The following ADCY2 variants were observed in gnomAD, a reference collection of about 807,000 sequenced individuals.
ADCY2 encodes the protein adenylate cyclase type 2.
In ADCY2, 31 loss-of-function variants were observed where a neutral mutation model predicts 125.2. The observed-to-expected ratio is 0.25, with a 90% CI of 0.19 to 0.33. The LOEUF is 0.33. ADCY2 is among the 10% of genes least tolerant of loss of function. The pLI is 1.00. For synonymous variants in ADCY2, 512 were observed against 548.4 expected, an observed-to-expected ratio of 0.93 and a Z score of 0.93; for missense variants, 904 against 1,418.2, an observed-to-expected ratio of 0.64 and a Z score of 5.82.
chr5:7,729,039 C>T (rs1276049205), intron 14 of ADCY2, among the ~76,000 whole-genome samples: 1 of 152,184 alleles, frequency 6.6e-6, no homozygotes, highest in African/African-American at 2.4e-5. Context: ...AGCTTCATCA[C>T]CCATTATTTT....
intron 14 of ADCY2, among the ~76,000 whole-genome samples, chr5:7,738,685 A>G (rs1468002057): frequency 6.6e-6 from 1 of 152,024 alleles, no homozygotes; most frequent in Non-Finnish European, 1.5e-5. Context: ...AAGGATGGAA[A>G]ACGTATCTGA....
intron 22 of ADCY2, among the ~76,000 whole-genome samples, chr5:7,811,565 A>C (rs1216628266): frequency 6.6e-6 from 1 of 152,198 alleles, no homozygotes; most frequent in East Asian, 1.9e-4. Flanking sequence ...TTTTAAAACA[A>C]TTATTTTATC....
chr5:7,738,751 G>T (rs1742323769), intron 14 of ADCY2, among the ~76,000 whole-genome samples: 1 of 151,912 alleles, frequency 6.6e-6, no homozygotes, highest in African/African-American at 2.4e-5. Flanking sequence ...AGACAAAGTA[G>T]TTATGAAGGC....
chr5:7,648,765 C>T (rs1738987089), intron 4 of ADCY2, among the ~76,000 whole-genome samples: 2 of 152,074 alleles, frequency 1.3e-5, no homozygotes, highest in South Asian at 4.1e-4. Flanking sequence ...GCAAAAAAGG[C>T]ATTATTTTAA....
At chr5:7,678,492 T>C (rs1740207973) in intron 4 of ADCY2, among the ~76,000 whole-genome samples, 1 of 152,206 alleles carries the variant, frequency 6.6e-6, no homozygotes, top group Admixed American at 6.5e-5. Context: ...ATATCAATAA[T>C]GCATATTGTG....
intron 2 of ADCY2, among the ~76,000 whole-genome samples, chr5:7,443,639 CAAAAAAAAAAAAA>C (rs56089574): frequency 2.0e-5 from 1 of 51,220 alleles, no homozygotes; most frequent in Admixed American, 3.9e-4. Context: ...GACTCTGTCT[CAAAAAAAAAAAAA>C]AAAAAAAAAA....
At chr5:7,557,426 G>A (rs1735560704) in intron 3 of ADCY2, among the ~76,000 whole-genome samples, 1 of 151,920 alleles carries the variant, frequency 6.6e-6, no homozygotes, top group Non-Finnish European at 1.5e-5. Flanking sequence ...TGTTATATAG[G>A]TAAACTTGTG....
At chr5:7,617,406 A>G (rs1473176300) in intron 3 of ADCY2, among the ~76,000 whole-genome samples, 1 of 152,246 alleles carries the variant, frequency 6.6e-6, no homozygotes, top group Non-Finnish European at 1.5e-5. Flanking sequence ...CTTGGACTGT[A>G]GCCTTCAGAA....
intron 14 of ADCY2, among the ~76,000 whole-genome samples, chr5:7,738,678 G>T (rs1471060375): frequency 1.3e-5 from 2 of 151,942 alleles, no homozygotes; most frequent in African/African-American, 2.4e-5. Context: ...AAAGTGAAAG[G>T]ATGGAAAACG....
intron 2 of ADCY2, among the ~76,000 whole-genome samples, chr5:7,488,507 C>G (rs767757701): frequency 7.2e-5 from 11 of 152,164 alleles, no homozygotes; most frequent in Non-Finnish European, 1.3e-4. Context: ...AAGCATGTTT[C>G]TAAGGGACTT....
chr5:7,790,820 C>T (rs921838490), intron 20 of ADCY2, among the ~76,000 whole-genome samples: 3 of 151,516 alleles, frequency 2.0e-5, no homozygotes, highest in Non-Finnish European at 2.9e-5. Flanking sequence ...AAAAGAGAAA[C>T]GGGGTAGACA....
At chr5:7,497,769 C>G (rs993181529) in intron 2 of ADCY2, among the ~76,000 whole-genome samples, 4 of 152,098 alleles carry the variant, frequency 2.6e-5, no homozygotes, top group African/African-American at 9.7e-5. Context: ...AAACAATGTT[C>G]TTAGTGAAAT....
intron 4 of ADCY2, among the ~76,000 whole-genome samples, chr5:7,655,331 G>A (rs1259035564): frequency 6.6e-6 from 1 of 152,188 alleles, no homozygotes; most frequent in Non-Finnish European, 1.5e-5. Context: ...CTATTGGGAA[G>A]TGTTCACTAA....
intron 2 of ADCY2, among the ~76,000 whole-genome samples, chr5:7,453,254 T>C (rs1008950218): frequency 6.6e-6 from 1 of 152,252 alleles, no homozygotes; most frequent in South Asian, 2.1e-4. Context: ...AAGTCTTTGA[T>C]CCTTCTTAAG....
intron 2 of ADCY2, among the ~76,000 whole-genome samples, chr5:7,465,508 T>G (rs1742082327): frequency 6.6e-6 from 1 of 152,216 alleles, no homozygotes; most frequent in Non-Finnish European, 1.5e-5. Flanking sequence ...TCACGGCGTG[T>G]GCACAGGTGT....
At chr5:7,644,038 T>C (rs1324036526) in intron 4 of ADCY2, among the ~76,000 whole-genome samples, 1 of 152,116 alleles carries the variant, frequency 6.6e-6, no homozygotes, top group East Asian at 1.9e-4. Flanking sequence ...CACATTCCAG[T>C]TTCTCTTATT....
intron 4 of ADCY2, among the ~76,000 whole-genome samples, chr5:7,631,795 G>A (rs1023065541): frequency 6.6e-6 from 1 of 152,138 alleles, no homozygotes; most frequent in Non-Finnish European, 1.5e-5. Flanking sequence ...TCTTCTTCCT[G>A]GAGGCAAGAA....
At chr5:7,676,211 C>CAA (rs1740121890) in intron 4 of ADCY2, among the ~76,000 whole-genome samples, 1 of 152,166 alleles carries the variant, frequency 6.6e-6, no homozygotes, top group Non-Finnish European at 1.5e-5. Context: ...ATTTAAGGAT[C>CAA]TTCTGCTCTG....
chr5:7,748,451 A>G (rs911197035), intron 15 of ADCY2, among the ~76,000 whole-genome samples: 1 of 151,946 alleles, frequency 6.6e-6, no homozygotes, highest in Non-Finnish European at 1.5e-5. Context: ...AAGGACTCCA[A>G]AGGTGCCATC....
Sources: gnomAD v4.1 joint callset for allele counts (sites outside exome capture counted in the v4.1 genomes callset) on GRCh38, gnomAD v4.1.1 for gene constraint, MANE v1.5 for transcripts, NCBI Gene and HGNC (gene_info 2026-07-23, HGNC 2026-07-21) for gene names.